Variants in NODAL observed in about 807,000 individuals in gnomAD.
NODAL encodes the protein nodal homolog.
Under a neutral mutation model 34.0 loss-of-function variants are expected in NODAL, and 12 were observed. The observed-to-expected ratio is 0.35, with a 90% CI of 0.23 to 0.57. The LOEUF (loss-of-function observed/expected upper bound fraction) is 0.57. NODAL is among the 20% of genes least tolerant of loss of function. The pLI is 0.83. For missense variants in NODAL, 390 were observed against 444.2 expected, an observed-to-expected ratio of 0.88 and a Z score of 1.10; for synonymous variants, 162 against 186.4, an observed-to-expected ratio of 0.87 and a Z score of 1.07.
intron 1 of NODAL, 39 bp from the exon 2 acceptor site, chr10:70,436,022 A>T: frequency 6.4e-7 from 1 of 1,563,588 alleles, no homozygotes; most frequent in Non-Finnish European, 8.8e-7. Flanking sequence ...AGGGTGAGTG[A>T]GGGCCTCCCC....
At chr10:70,442,850 G>A (rs933602383), upstream of NODAL, among the ~76,000 whole-genome samples, 2 of 152,156 alleles carry the variant, frequency 1.3e-5, no homozygotes, top group African/African-American at 4.8e-5. Context: ...TAGGGAGGAT[G>A]AGGCTGGCAG....
chr10:70,439,980 G>A (rs1196417030), intron 1 of NODAL, among the ~76,000 whole-genome samples: 2 of 152,250 alleles, frequency 1.3e-5, no homozygotes, highest in Non-Finnish European at 2.9e-5. Context: ...GCTGAGGCAG[G>A]AGAATTCCTT....
rs1237972387 is a variant in NODAL at position 70,435,720 on chromosome 10, A to G, written c.457T>C (p.Leu153=). The change falls in exon 2 of 3, where the codon TTG becomes CTG. Residue 153 remains leucine (L), a synonymous_variant. Transcript: ENST00000287139. ...QVTFSLGSMV[L]EVTRPLSKWL... ...TTGGAGAGAGGCCTGGTCACCTCCA[A>G]AACCATGCTGCCCAAGGAAAAGGTG... is the stretch of plus-strand genomic sequence containing the variant. The G allele has an allele frequency of 6.8e-6, 11 of 1,614,054 alleles. No individual in the cohort carries two copies. Among genetic ancestry groups the G allele is most frequent in the Non-Finnish European group, 9.3e-6 (11 of 1,180,022 alleles).
chr10:70,438,738 C>T (rs1252175220), intron 1 of NODAL, among the ~76,000 whole-genome samples: 3 of 152,294 alleles, frequency 2.0e-5, no homozygotes, highest in Non-Finnish European at 4.4e-5. Context: ...GTCTGTGACC[C>T]TTCCTACCTT....
upstream of NODAL, among the ~76,000 whole-genome samples, chr10:70,443,932 C>T (rs1427851473): frequency 6.8e-6 from 1 of 148,006 alleles, no homozygotes; most frequent in African/African-American, 2.5e-5. Context: ...TGTTGACTCC[C>T]CTTTTTTTTT....
At chr10:70,444,212 C>T (rs900326040), upstream of NODAL, among the ~76,000 whole-genome samples, 10 of 152,076 alleles carry the variant, frequency 6.6e-5, no homozygotes, top group Non-Finnish European at 1.0e-4. Context: ...GGATTACAGG[C>T]GTGAACCACT....
intron 1 of NODAL, among the ~76,000 whole-genome samples, chr10:70,439,360 G>A (rs531037004): frequency 1.6e-4 from 25 of 152,234 alleles, no homozygotes; most frequent in Non-Finnish European, 2.6e-4. Context: ...TCCAGTCACC[G>A]ACACCGCCGT....
upstream of NODAL, among the ~76,000 whole-genome samples, chr10:70,445,936 T>C (rs80170364): frequency 1.0e-3 from 158 of 152,328 alleles, 1 homozygote; most frequent in East Asian, 0.025. Context: ...CTGGAATTTC[T>C]CTCTGACCCG....
intron 1 of NODAL, among the ~76,000 whole-genome samples, chr10:70,438,275 C>T (rs960167462): frequency 1.1e-4 from 17 of 152,084 alleles, no homozygotes; most frequent in African/African-American, 3.4e-4. Flanking sequence ...GCCTGGGTGA[C>T]GAAAAGCAAA....
At chr10:70,434,572 AG>A (rs1182604967) in intron 2 of NODAL, among the ~76,000 whole-genome samples, 1 of 152,230 alleles carries the variant, frequency 6.6e-6, no homozygotes, top group South Asian at 2.1e-4. Flanking sequence ...CATGTTGGTC[AG>A]GCTGGTCTCA....
upstream of NODAL, among the ~76,000 whole-genome samples, chr10:70,443,338 C>T (rs77125060): frequency 0.067 from 10,159 of 152,132 alleles, 461 homozygotes; most frequent in South Asian, 0.2. Flanking sequence ...CTTGTTCATC[C>T]TGCTGTCACA....
intron 2 of NODAL, 176 bp downstream of exon 2, chr10:70,435,110 A>G: frequency 1.6e-6 from 1 of 632,908 alleles, no homozygotes; most frequent in African/African-American, 1.8e-5. Flanking sequence ...CAGGCTCTAT[A>G]AGGATGTTAC....
At position 70,432,992 on chromosome 10, in the gene NODAL, T is replaced by G. The variant is rs778147685; in HGVS notation, c.988A>C (p.Arg330=). 2.5e-6 allele frequency: 4 copies of G among 1,614,124 alleles called. No individual in the cohort carries two copies. Among genetic ancestry groups the G allele is most frequent in the Non-Finnish European group, 2.5e-6 (3 of 1,180,030 alleles). The change falls in exon 3 of 3, where the codon AGA becomes CGA. Residue 330 remains arginine (R), a synonymous_variant. Transcript: ENST00000287139. The part of the protein sequence containing the change: ...PLSMLYVDNG[R]VLLDHHKDMI... ...TCTTTATGGTGATCTAGGAGCACTC[T>G]GCCATTATCCACATACAGCATGCTC...
chr10:70,441,913 G>A (rs1845437186), upstream of NODAL, among the ~76,000 whole-genome samples: 1 of 152,144 alleles, frequency 6.6e-6, no homozygotes, highest in African/African-American at 2.4e-5. Context: ...TGGTTTGCCC[G>A]GTCTGGACAC....
chr10:70,435,138 T>C, intron 2 of NODAL, 148 bp downstream of exon 2: 1 of 716,956 alleles, frequency 1.4e-6, no homozygotes, highest in Non-Finnish European at 2.4e-6. Flanking sequence ...CATCTCTACA[T>C]GCCTGGTACC....
intron 1 of NODAL, 62 bp downstream of exon 1, chr10:70,441,413 G>A: frequency 6.6e-7 from 1 of 1,517,690 alleles, no homozygotes. Flanking sequence ...GAGTCCGCTG[G>A]CTGGACGCGG....
At chr10:70,444,822 G>A (rs1223027886), upstream of NODAL, among the ~76,000 whole-genome samples, 3 of 152,196 alleles carry the variant, frequency 2.0e-5, no homozygotes, top group African/African-American at 7.2e-5. Context: ...AGAGGATGAT[G>A]CATGCGGGTA....
In NODAL at chr10:70,432,004, C is replaced by G. The variant is rs1210961904; in HGVS notation, c.*932G>C. On this transcript the variant is annotated 3_prime_UTR_variant, in exon 3 of 3. Coordinates refer to ENST00000287139, the MANE Select transcript of NODAL (RefSeq NM_018055.5). ...GAATGCATTAGGATTCACCAGCGTT[C>G]CTTTTACAAGTGGAGACTGGACAGT... Among the ~76,000 whole-genome samples, 1 of 152,218 alleles carries G rather than the reference C, an allele frequency of 6.6e-6. No homozygotes were observed. The highest frequency in any genetic ancestry group is 1.5e-5 in the Non-Finnish European group (1 of 68,044).
chr10:70,435,646 A>G lies in NODAL; in HGVS notation c.531T>C (p.Ala177=), dbSNP rs145468639. 51 of 1,614,056 alleles carry G rather than the reference A, an allele frequency of 3.2e-5. No individual in the cohort carries two copies. The African/African-American group carries it at 6.4e-4, about 20-fold the overall frequency. ...TGGGGGGCCGCGGCCAGCACTCTCCAGCTACCCTGGACATCTGCTTCTCCA... is the reference window on the plus strand; with the variant it reads ...TGGGGGGCCGCGGCCAGCACTCTCCGGCTACCCTGGACATCTGCTTCTCCA... ...GALEKQMSRV[A]GECWPRPPTP... The change falls in exon 2 of 3, where the codon GCT becomes GCC. Residue 177 remains alanine (A), a synonymous_variant. Transcript: ENST00000287139.
Sources: allele counts gnomAD v4.1 joint callset (sites outside exome capture counted in the v4.1 genomes callset), GRCh38; gene constraint gnomAD v4.1.1; transcripts MANE v1.5; gene names NCBI Gene and HGNC (gene_info 2026-07-23, HGNC 2026-07-21).